The following MAPK6 variants were observed in gnomAD, a reference collection of about 807,000 sequenced individuals.
The protein encoded by MAPK6 is ERK-3.
In MAPK6, 19 loss-of-function variants were observed where a neutral mutation model predicts 59.3. The ratio of observed to expected loss-of-function variants is 0.32; its 90% CI spans 0.22 to 0.47. The LOEUF (loss-of-function observed/expected upper bound fraction) is 0.47. Among genes scored for constraint, MAPK6 ranks in the 20% least tolerant of loss-of-function variants. MAPK6 has a pLI of 1.00. For synonymous variants in MAPK6, 316 were observed against 290.3 expected, an observed-to-expected ratio of 1.09 and a Z score of -0.90; for missense variants, 724 against 847.9, an observed-to-expected ratio of 0.85 and a Z score of 1.81.
At position 52,061,576 on chromosome 15, in the gene MAPK6, T is replaced by G. The variant is rs1010948466; in HGVS notation, c.1067+76T>G. The G allele has an allele frequency of 9.0e-7, 1 of 1,108,226 alleles. No individual in the cohort carries two copies. Among genetic ancestry groups the G allele is most frequent in the Non-Finnish European group, 1.3e-6 (1 of 761,488 alleles). The allele number at this position is 1,108,226 out of a possible 1,614,324, so 68.6% of individuals were successfully genotyped here. A position where few individuals can be genotyped will look rare whatever the true frequency, so the allele number is the denominator to read the frequency against. Reference sequence around the variant, plus strand: ...CCATATGTAGTGAGTTTTTTTAAAATTATGTATAAGACATTGTAGAAGTCT... The same window carrying G: ...CCATATGTAGTGAGTTTTTTTAAAAGTATGTATAAGACATTGTAGAAGTCT... On this transcript the variant is annotated intron_variant, in intron 5 of 5. Transcript: ENST00000261845.
intron 3 of MAPK6, chr15:52,011,294 A>T (rs2030050437): frequency 6.6e-6 from 1 of 152,230 alleles, no homozygotes; most frequent in South Asian, 2.1e-4. Context: ...TCCTGGGCTC[A>T]AGTGACCCTC....
intron 2 of MAPK6, 72 bp from the exon 3 acceptor site, chr15:52,049,921 A>C: frequency 7.2e-7 from 1 of 1,388,212 alleles, no homozygotes; most frequent in African/African-American, 1.4e-5. Context: ...CAAATTAAGG[A>C]TTCTTTAATC....
chr15:51,974,236 A>G (rs1020607827), intron 1 of MAPK6, among the ~76,000 whole-genome samples: 9 of 151,936 alleles, frequency 5.9e-5, no homozygotes, highest in African/African-American at 1.7e-4. Context: ...TGTTGGAATT[A>G]CAGGTGTAAG....
At chr15:52,010,514 CTTTTTT>C (rs762352581) in intron 3 of MAPK6, among the ~76,000 whole-genome samples, 1 of 91,864 alleles carries the variant, frequency 1.1e-5, no homozygotes, top group Admixed American at 1.3e-4. Context: ...TGCACCCAGC[CTTTTTT>C]TTTTTTTTTT....
At chr15:52,020,015 A>C (rs1441638764) in intron 1 of MAPK6, 2 of 152,412 alleles carry the variant, frequency 1.3e-5, no homozygotes, top group Non-Finnish European at 2.9e-5. Flanking sequence ...CCAAGTTTTG[A>C]GTCTTGCCAT....
chr15:51,974,628 G>C (rs2470591), intron 1 of MAPK6, among the ~76,000 whole-genome samples: 55,670 of 130,478 alleles, frequency 0.43, 12,260 homozygotes, highest in Admixed American at 0.52. Context: ...CACTGCACCC[G>C]AGCCTGGGAG....
intron 1 of MAPK6, among the ~76,000 whole-genome samples, chr15:52,032,278 A>C (rs1595985469): frequency 7.2e-6 from 1 of 138,258 alleles, no homozygotes. Context: ...GCAACCTCCG[A>C]CTCCCTGGTT....
chr15:52,033,422 G>T (rs2031116794), intron 1 of MAPK6, among the ~76,000 whole-genome samples: 3 of 152,108 alleles, frequency 2.0e-5, no homozygotes, highest in Non-Finnish European at 2.9e-5. Flanking sequence ...AAGTCTTTTG[G>T]CTTTCATTTT....
intron 3 of MAPK6, 110 bp downstream of exon 3, chr15:52,050,247 C>G (rs1451068444): frequency 9.6e-6 from 9 of 935,652 alleles, no homozygotes; most frequent in Non-Finnish European, 1.4e-5. Flanking sequence ...ATCTGTAATA[C>G]TAAAATGAAC....
At chr15:52,027,712 A>G (rs1293688702) in intron 1 of MAPK6, 1 of 147,972 alleles carries the variant, frequency 6.8e-6, no homozygotes, top group East Asian at 2.0e-4. Context: ...TGCTGGGATT[A>G]CAGGCATGAG....
At chr15:51,987,296 A>T (rs1277897636) in intron 2 of MAPK6, among the ~76,000 whole-genome samples, 3 of 152,170 alleles carry the variant, frequency 2.0e-5, no homozygotes, top group Non-Finnish European at 4.4e-5. Flanking sequence ...TTTTGTTCAG[A>T]TGCCTACCTT....
At chr15:52,034,009 G>C (rs1362135012) in intron 1 of MAPK6, 1 of 146,530 alleles carries the variant, frequency 6.8e-6, no homozygotes, top group African/African-American at 2.5e-5. Context: ...TTTGGATATT[G>C]AGTTTTGCTC....
chr15:52,005,193 G>A (rs1458041731), intron 3 of MAPK6, among the ~76,000 whole-genome samples: 1 of 152,088 alleles, frequency 6.6e-6, no homozygotes. Context: ...GATAAAATAG[G>A]CACTCAAAGG....
intron 2 of MAPK6, among the ~76,000 whole-genome samples, chr15:51,984,687 G>A (rs1030771214): frequency 2.1e-5 from 3 of 139,898 alleles, no homozygotes; most frequent in South Asian, 2.1e-4. Flanking sequence ...CCAGTTCTCC[G>A]GGGGGGAAGA....
At chr15:52,049,259 G>GA (rs1459254063) in intron 2 of MAPK6, among the ~76,000 whole-genome samples, 10 of 151,842 alleles carry the variant, frequency 6.6e-5, no homozygotes, top group Admixed American at 3.3e-4. Flanking sequence ...GTTCTGACTT[G>GA]AAGCATACTT....
chr15:52,004,408 T>C (rs1164948463), intron 3 of MAPK6: 1 of 152,224 alleles, frequency 6.6e-6, no homozygotes, highest in Non-Finnish European at 1.5e-5. Context: ...TTCATGTAAG[T>C]AGATCCATTT....
At chr15:52,001,630 T>C (rs1024649387) in intron 2 of MAPK6, among the ~76,000 whole-genome samples, 1 of 149,360 alleles carries the variant, frequency 6.7e-6, no homozygotes, top group African/African-American at 2.5e-5. Context: ...TGCCTCAGCC[T>C]CCTGAGTAGC....
chr15:52,026,384 T>A (rs1287803038), intron 1 of MAPK6, among the ~76,000 whole-genome samples: 1 of 152,146 alleles, frequency 6.6e-6, no homozygotes, highest in Non-Finnish European at 1.5e-5. Flanking sequence ...CTCCGCCTCC[T>A]GGGTTCAAGT....
intron 3 of MAPK6, among the ~76,000 whole-genome samples, chr15:52,008,132 C>G (rs1183681754): frequency 2.6e-5 from 4 of 152,168 alleles, no homozygotes; most frequent in African/African-American, 9.7e-5. Context: ...CAGACGTGAG[C>G]CACTGTGCCC....
Sources: gnomAD v4.1 joint callset for allele counts (sites outside exome capture counted in the v4.1 genomes callset) on GRCh38, gnomAD v4.1.1 for gene constraint, MANE v1.5 for transcripts, NCBI Gene and HGNC (gene_info 2026-07-23, HGNC 2026-07-21) for gene names.